Variants in C8orf34 observed in about 807,000 individuals in gnomAD.
C8orf34 encodes the protein uncharacterized protein C8orf34.
Under a neutral mutation model 68.3 loss-of-function variants are expected in C8orf34, and 65 were observed. The observed-to-expected ratio is 0.95, with a 90% CI of 0.78 to 1.17. C8orf34 has a LOEUF of 1.17. Among genes scored for constraint, C8orf34 ranks in the 50% most tolerant of loss-of-function variants. C8orf34 has a pLI of 0.00. For missense variants in C8orf34, 664 were observed against 655.4 expected, an observed-to-expected ratio of 1.01 and a Z score of -0.14; for synonymous variants, 244 against 241.2, an observed-to-expected ratio of 1.01 and a Z score of -0.11.
chr8:68,773,880 T>C (rs12550341), intron 10 of C8orf34, among the ~76,000 whole-genome samples: 28,453 of 152,038 alleles, frequency 0.19, 2,871 homozygotes, highest in East Asian at 0.33. Context: ...AAGCTTGCTT[T>C]ATTTATATTC....
chr8:68,555,413 AC>A (rs1370434590), intron 7 of C8orf34, among the ~76,000 whole-genome samples: 1 of 151,984 alleles, frequency 6.6e-6, no homozygotes, highest in African/African-American at 2.4e-5. Context: ...TTTATCTTTT[AC>A]CCTGGTGAGA....
chr8:68,665,763 A>AC (rs1429133945), intron 8 of C8orf34, among the ~76,000 whole-genome samples: 8 of 151,920 alleles, frequency 5.3e-5, no homozygotes, highest in African/African-American at 1.9e-4. Context: ...ACCTTTCATG[A>AC]CCCCAACCCT....
At chr8:68,671,614 T>C (rs1374119582) in intron 8 of C8orf34, among the ~76,000 whole-genome samples, 1 of 152,182 alleles carries the variant, frequency 6.6e-6, no homozygotes, top group Non-Finnish European at 1.5e-5. Flanking sequence ...ACATTTACCT[T>C]AGCAATTGGT....
chr8:68,399,386 C>A (rs1167675616), intron 1 of C8orf34, among the ~76,000 whole-genome samples: 7 of 152,182 alleles, frequency 4.6e-5, no homozygotes, highest in Non-Finnish European at 7.4e-5. Flanking sequence ...TTATTTAACT[C>A]CCACTTAAAA....
chr8:68,542,036 C>T (rs1174836289), intron 7 of C8orf34, among the ~76,000 whole-genome samples: 1 of 152,122 alleles, frequency 6.6e-6, no homozygotes, highest in Non-Finnish European at 1.5e-5. Flanking sequence ...AGTTTTGCCA[C>T]TACTTTTAAT....
intron 7 of C8orf34, among the ~76,000 whole-genome samples, chr8:68,627,109 C>A (rs7814208): frequency 0.05 from 7,626 of 152,158 alleles, 202 homozygotes; most frequent in Middle Eastern, 0.11. Flanking sequence ...TTACAATAAT[C>A]AATAATTTAC....
In C8orf34 at chr8:68,466,765, A is replaced by ATATG. The variant is rs1242128072; in HGVS notation, c.608-1927_608-1926insTATG. On this transcript the variant is annotated intron_variant, in intron 3 of 13. Transcript: ENST00000518698. ...TATATATATATATATATATATATAT[A>ATATG]GATGCTTTCATTTCTTTATGATGAC... is the stretch of plus-strand genomic sequence containing the variant. 1.9e-4 allele frequency among the ~76,000 whole-genome samples: 24 copies of ATATG among 123,360 alleles called. 2 individuals are homozygous for ATATG. Among genetic ancestry groups the ATATG allele is most frequent in the African/African-American group, 3.4e-4 (11 of 32,084 alleles). 80.9% of individuals were successfully genotyped at this position (123,360 alleles called of 152,430 possible).
intron 8 of C8orf34, among the ~76,000 whole-genome samples, chr8:68,654,614 T>C (rs1819460735): frequency 6.6e-6 from 1 of 152,190 alleles, no homozygotes; most frequent in Non-Finnish European, 1.5e-5. Flanking sequence ...TAATCAAATA[T>C]ATTGATTTAC....
chr8:68,537,062 A>T (rs1180700321), intron 7 of C8orf34, among the ~76,000 whole-genome samples: 1 of 152,176 alleles, frequency 6.6e-6, no homozygotes, highest in East Asian at 1.9e-4. Flanking sequence ...CAACTTTTAT[A>T]AAGTAAATAT....
intron 10 of C8orf34, among the ~76,000 whole-genome samples, chr8:68,742,392 C>T (rs1183523482): frequency 1.3e-5 from 2 of 152,196 alleles, no homozygotes; most frequent in East Asian, 3.8e-4. Context: ...TAAAACCAAA[C>T]AAACAAAACT....
At chr8:68,594,085 C>G (rs1247461783) in intron 7 of C8orf34, among the ~76,000 whole-genome samples, 1 of 151,816 alleles carries the variant, frequency 6.6e-6, no homozygotes, top group African/African-American at 2.4e-5. Flanking sequence ...ATAGAGTATT[C>G]ATTGGTATTT....
At chr8:68,676,729 C>T (rs1438119674) in intron 8 of C8orf34, among the ~76,000 whole-genome samples, 1 of 152,060 alleles carries the variant, frequency 6.6e-6, no homozygotes, top group African/African-American at 2.4e-5. Context: ...TGTATTAGTT[C>T]GTTTTCATGC....
At chr8:68,579,589 T>C (rs563613381) in intron 7 of C8orf34, among the ~76,000 whole-genome samples, 1 of 152,146 alleles carries the variant, frequency 6.6e-6, no homozygotes. Flanking sequence ...TATTTCTTTT[T>C]ATTTAAATGT....
rs533746562 is a variant in C8orf34 at position 68,470,467 on chromosome 8, G to A, written c.736+1647G>A. On this transcript the variant is annotated intron_variant, in intron 4 of 13. Transcript: ENST00000518698. ...GTGTTCCCCCAAATTTTTAATATAG[G>A]GATTTGACTGCATTTCAATTATGTA... 6.6e-5 allele frequency among the ~76,000 whole-genome samples: 10 copies of A among 152,106 alleles called. No homozygotes were observed. The South Asian group carries it at 2.1e-3, about 32-fold the overall frequency.
intron 10 of C8orf34, among the ~76,000 whole-genome samples, chr8:68,737,732 T>G (rs1241600165): frequency 1.3e-5 from 2 of 152,012 alleles, no homozygotes; most frequent in Non-Finnish European, 2.9e-5. Flanking sequence ...ATATCCTATA[T>G]ATACATGCAC....
At chr8:68,676,574 A>G (rs559976615) in intron 8 of C8orf34, among the ~76,000 whole-genome samples, 2 of 152,312 alleles carry the variant, frequency 1.3e-5, no homozygotes, top group African/African-American at 4.8e-5. Flanking sequence ...CAACAGCCCA[A>G]TACATATTCT....
intron 7 of C8orf34, among the ~76,000 whole-genome samples, chr8:68,602,704 A>G (rs551865621): frequency 1.3e-5 from 2 of 152,138 alleles, no homozygotes; most frequent in African/African-American, 4.8e-5. Context: ...ATTAAGTCTA[A>G]TTGCTGCCAG....
intron 13 of C8orf34, 99 bp from the exon 14 acceptor site, chr8:68,818,140 A>C (rs1824876110): frequency 3.4e-6 from 4 of 1,189,238 alleles, no homozygotes; most frequent in African/African-American, 1.5e-5. Context: ...GTTCATTGGA[A>C]TAGAGGAAAG....
At chr8:68,541,137 T>C (rs1815685068) in intron 7 of C8orf34, among the ~76,000 whole-genome samples, 1 of 152,116 alleles carries the variant, frequency 6.6e-6, no homozygotes, top group African/African-American at 2.4e-5. Context: ...AGTAAAATCA[T>C]GCATGGAAGG....
Sources: gnomAD v4.1 joint callset for allele counts (sites outside exome capture counted in the v4.1 genomes callset) on GRCh38, gnomAD v4.1.1 for gene constraint, MANE v1.5 for transcripts, NCBI Gene and HGNC (gene_info 2026-07-23, HGNC 2026-07-21) for gene names.